Variants in AMER2 observed in about 807,000 individuals in gnomAD.
The protein encoded by AMER2 is family with sequence similarity 123A.
Under a neutral mutation model 4.7 loss-of-function variants are expected in AMER2, and 1 was observed. The ratio of observed to expected loss-of-function variants is 0.21; its 90% CI spans 0.07 to 1.00. The LOEUF (loss-of-function observed/expected upper bound fraction) is 1.00, where lower values mean the gene tolerates loss of function less well. Among genes scored for constraint, AMER2 ranks in the 50% least tolerant of loss-of-function variants. The probability of loss-of-function intolerance (pLI) is 0.60; values close to 1 mark genes in which losing one functional copy is unlikely to be tolerated. For missense variants in AMER2, 988 were observed against 966.9 expected, an observed-to-expected ratio of 1.02 and a Z score of -0.29; for synonymous variants, 485 against 433.3, an observed-to-expected ratio of 1.12 and a Z score of -1.48.
chr13:25,172,134 C>A lies in AMER2; in HGVS notation c.-515G>T. 1 of 155,102 alleles carries A rather than the reference C, an allele frequency of 6.4e-6. No homozygotes were observed. The highest frequency in any genetic ancestry group is 1.4e-5 in the Non-Finnish European group (1 of 70,178). 9.6% of individuals were successfully genotyped at this position (155,102 alleles called of 1,614,324 possible). On this transcript the variant is annotated 5_prime_UTR_variant, in exon 1 of 1. It removes an upstream start codon present in the reference 5' UTR. Transcript: ENST00000515384. ...GGCAGGAAGCATGTCTGCCTACATC[C>A]ATGTCTTGTCCAGAGCTGAGCACAC...
chr13:25,170,210 G>A lies in AMER2; in HGVS notation c.1410C>T (p.Pro470=), dbSNP rs751920528. ...CACACCTGGTGTCTTTGGGGGTCTCGGGCACCACCTTGGTTTCCAGCGCAG... is the reference window on the plus strand; with the variant it reads ...CACACCTGGTGTCTTTGGGGGTCTCAGGCACCACCTTGGTTTCCAGCGCAG... ...VAAALETKVV[P]ETPKDTRCVE... The change falls in exon 1 of 1, where the codon CCC becomes CCT. Residue 470 remains proline (P), a synonymous_variant. Coordinates refer to ENST00000515384, the MANE Select transcript of AMER2 (RefSeq NM_152704.4). This position sits in a 1 kb window ranked among gnomAD's most constrained non-coding sequence, Gnocchi z 7.3. The A allele has an allele frequency of 5.0e-6, 8 of 1,611,976 alleles. No homozygotes were observed. In the East Asian group the frequency reaches 1.1e-4, roughly 22 times the overall value.
rs1433696595 is a variant in AMER2, at chr13:25,165,459, C to T, written c.*4145G>A. The T allele has an allele frequency of 1.3e-5, 2 of 152,250 alleles. No homozygotes were observed. Among genetic ancestry groups the T allele is most frequent in the Non-Finnish European group, 2.9e-5 (2 of 68,054 alleles). 9.4% of individuals were successfully genotyped at this position (152,250 alleles called of 1,614,324 possible). A position where few individuals can be genotyped will look rare whatever the true frequency, so the allele number is the denominator to read the frequency against. On this transcript the variant is annotated 3_prime_UTR_variant, in exon 1 of 1. Coordinates refer to ENST00000515384, the MANE Select transcript of AMER2 (RefSeq NM_152704.4). ...ACCATACTACCCCTTTGGTTCCAAA[C>T]TGCTTCATAAATATTTTTGTGTGTA...
In AMER2 at chr13:25,170,316, T is replaced by A; in HGVS notation, c.1304A>T (p.Tyr435Phe). Residue 435 changes from tyrosine (Y) to phenylalanine (F), a missense_variant, in exon 1 of 1, where the codon TAT (tyrosine) becomes TTT (phenylalanine). By Grantham distance (22) the Tyr-to-Phe change is conservative (BLOSUM62 3). Coordinates refer to ENST00000515384, the MANE Select transcript of AMER2 (RefSeq NM_152704.4). The surrounding 1 kb of genome is among the most constrained non-coding windows in gnomAD (Gnocchi z 7.3). ...GAGCATGTCCCAGAACTCCTGTAGATAGGTGTCGTCCACCTCGTCCGGGCT... is the reference window on the plus strand; with the variant it reads ...GAGCATGTCCCAGAACTCCTGTAGAAAGGTGTCGTCCACCTCGTCCGGGCT... ...MASPDEVDDT[Y>F]LQEFWDMLSQ... The A allele has an allele frequency of 6.2e-7, 1 of 1,613,896 alleles. No individual in the cohort carries two copies. Among genetic ancestry groups the A allele is most frequent in the Non-Finnish European group, 8.5e-7 (1 of 1,179,982 alleles).
rs1956520599 is a variant in AMER2, at chr13:25,169,434, G to T, written c.*170C>A. 1.3e-6 allele frequency: 1 copy of T among 748,820 alleles called. No individual in the cohort carries two copies. Among genetic ancestry groups the T allele is most frequent in the Non-Finnish European group, 2.0e-6 (1 of 499,102 alleles). The allele number at this position is 748,820 out of a possible 1,614,324, so 46.4% of individuals were successfully genotyped here. A position where few individuals can be genotyped will look rare whatever the true frequency, so the allele number is the denominator to read the frequency against. On this transcript the variant is annotated 3_prime_UTR_variant, in exon 1 of 1. Transcript: ENST00000515384. This position sits in a 1 kb window ranked among gnomAD's most constrained non-coding sequence, Gnocchi z 4.2. ...AGCATCCCTCTTTCTGGTGTTATCC[G>T]GTCCCTGCTCAGGGCACAAAGACCT... is the stretch of plus-strand genomic sequence containing the variant.
chr13:25,171,038 C>T lies in AMER2; in HGVS notation c.582G>A (p.Leu194=). The T allele has an allele frequency of 6.4e-7, 1 of 1,573,854 alleles. No individual in the cohort carries two copies. The highest frequency in any genetic ancestry group is 8.6e-7 in the Non-Finnish European group (1 of 1,161,504). The part of the protein sequence containing the change: ...SKAGGKQKRG[L]RGLFSGMRWH... The stretch of plus-strand genomic sequence containing the variant: ...AGCGCATGCCGCTGAACAGCCCCCG[C>T]AGCCCCCGCTTTTGTTTGCCGCCGG... The change falls in exon 1 of 1, where the codon CTG becomes CTA. Residue 194 remains leucine (L), a synonymous_variant. Transcript: ENST00000515384. The surrounding 1 kb of genome is among the most constrained non-coding windows in gnomAD (Gnocchi z 5.9).
Position 25,171,043 on chromosome 13 carries a change from C to A in AMER2, c.577G>T (p.Gly193Trp), listed in dbSNP as rs1416665687. 3.2e-6 allele frequency: 5 copies of A among 1,574,480 alleles called. No homozygotes were observed. Among genetic ancestry groups the A allele is most frequent in the Non-Finnish European group, 4.3e-6 (5 of 1,161,732 alleles). ...ASKAGGKQKRGLRGLFSGMRW... is the reference protein window; with the variant it reads ...ASKAGGKQKRWLRGLFSGMRW... Reference sequence around the variant, plus strand: ...ATGCCGCTGAACAGCCCCCGCAGCCCCCGCTTTTGTTTGCCGCCGGCCTTG... The same window carrying A: ...ATGCCGCTGAACAGCCCCCGCAGCCACCGCTTTTGTTTGCCGCCGGCCTTG... Residue 193 changes from glycine to tryptophan, a missense_variant, in exon 1 of 1, where the codon GGG becomes TGG. Transcript: ENST00000515384. This position sits in a 1 kb window ranked among gnomAD's most constrained non-coding sequence, Gnocchi z 5.9.
At position 25,168,178 on chromosome 13, in the gene AMER2, T is replaced by A. The variant is rs950873541; in HGVS notation, c.*1426A>T. On this transcript the variant is annotated 3_prime_UTR_variant, in exon 1 of 1. Coordinates refer to ENST00000515384, the MANE Select transcript of AMER2 (RefSeq NM_152704.4). ...ATATAATAACCCTTTCTGAAATAAATGTTTCATCTGAAATATTAGAAAACA... is the reference window on the plus strand; with the variant it reads ...ATATAATAACCCTTTCTGAAATAAAAGTTTCATCTGAAATATTAGAAAACA... 1.3e-5 allele frequency: 2 copies of A among 152,222 alleles called. No homozygotes were observed. Among genetic ancestry groups the A allele is most frequent in the African/African-American group, 4.8e-5 (2 of 41,468 alleles). 9.4% of individuals were successfully genotyped at this position (152,222 alleles called of 1,614,324 possible).
At position 25,161,690 on chromosome 13, in the gene AMER2, T is replaced by C. The variant is rs1956408686; in HGVS notation, c.*7914A>G. The C allele has an allele frequency of 6.6e-6, 1 of 152,170 alleles. No homozygotes were observed. Among genetic ancestry groups the C allele is most frequent in the South Asian group, 2.1e-4 (1 of 4,830 alleles). 9.4% of individuals were successfully genotyped at this position (152,170 alleles called of 1,614,324 possible). On this transcript the variant is annotated 3_prime_UTR_variant, in exon 1 of 1. Transcript: ENST00000515384. ...AACAACCAACAGAATTCACTTTAAA[T>C]GCAAAGGAGCAACAAAATTTATTGA...
Position 25,169,376 on chromosome 13 carries a change from A to T in AMER2, c.*228T>A. On this transcript the variant is annotated 3_prime_UTR_variant, in exon 1 of 1. Transcript: ENST00000515384. This position sits in a 1 kb window ranked among gnomAD's most constrained non-coding sequence, Gnocchi z 4.2. ...AAAAAAGTGCTTGAAAATAATTCTC[A>T]GGGACTTATCTTGAGAGGAGAAACC... 1 of 449,038 alleles carries T rather than the reference A, an allele frequency of 2.2e-6. No homozygotes were observed. The highest frequency in any genetic ancestry group is 3.8e-6 in the Non-Finnish European group (1 of 264,256). 27.8% of individuals were successfully genotyped at this position (449,038 alleles called of 1,614,324 possible).
In AMER2 at chr13:25,171,697, C is replaced by G; in HGVS notation, c.-78G>C. The G allele has an allele frequency of 1.4e-6, 2 of 1,414,288 alleles. No homozygotes were observed. Among genetic ancestry groups the G allele is most frequent in the Non-Finnish European group, 1.8e-6 (2 of 1,094,962 alleles). The allele number at this position is 1,414,288 out of a possible 1,614,324, so 87.6% of individuals were successfully genotyped here. ...ACTGTCACCCGTATTCTAAATCAAC[C>G]TGAGCCGCGCTCGCCGCCGCCGCTG... is the stretch of plus-strand genomic sequence containing the variant. On this transcript the variant is annotated 5_prime_UTR_variant, in exon 1 of 1. Transcript: ENST00000515384. The surrounding 1 kb of genome is among the most constrained non-coding windows in gnomAD (Gnocchi z 5.9).
rs1956497992 is a variant in AMER2 at position 25,167,864 on chromosome 13, G to C, written c.*1740C>G. 1 of 151,952 alleles carries C rather than the reference G, an allele frequency of 6.6e-6. No individual in the cohort carries two copies. Among genetic ancestry groups the C allele is most frequent in the African/African-American group, 2.4e-5 (1 of 41,360 alleles). The allele number at this position is 151,952 out of a possible 1,614,324, so 9.4% of individuals were successfully genotyped here. On this transcript the variant is annotated 3_prime_UTR_variant, in exon 1 of 1. Transcript: ENST00000515384. ...GGTTTTCATATATTTAACTTGCCTTGTTCTTTCATTTATGAAACAGAAAAC... is the reference window on the plus strand; with the variant it reads ...GGTTTTCATATATTTAACTTGCCTTCTTCTTTCATTTATGAAACAGAAAAC...
chr13:25,170,528 C>A lies in AMER2; in HGVS notation c.1092G>T (p.Leu364Phe). The A allele has an allele frequency of 6.2e-7, 1 of 1,614,198 alleles. No homozygotes were observed. Among genetic ancestry groups the A allele is most frequent in the Non-Finnish European group, 8.5e-7 (1 of 1,180,034 alleles). ...TCAGTGAAGTCACGTCAGAAAACAT[C>A]AAACAAATACGATCTGCCGACGGGT... ...PSDPSADRIC[L>F]MFSDVTSLKS... The change falls in exon 1 of 1, where the codon TTG becomes TTT. Residue 364 changes from leucine to phenylalanine, a missense_variant. By Grantham distance (22) the Leu-to-Phe change is conservative. Coordinates refer to ENST00000515384, the MANE Select transcript of AMER2 (RefSeq NM_152704.4). This position sits in a 1 kb window ranked among gnomAD's most constrained non-coding sequence, Gnocchi z 7.3.
Position 25,171,936 on chromosome 13 carries a change from G to T in AMER2, c.-317C>A. The T allele has an allele frequency of 2.8e-6, 1 of 360,344 alleles. No individual in the cohort carries two copies. The highest frequency in any genetic ancestry group is 4.8e-6 in the Non-Finnish European group (1 of 206,824). 22.3% of individuals were successfully genotyped at this position (360,344 alleles called of 1,614,324 possible). The stretch of plus-strand genomic sequence containing the variant: ...ACCTTCGGATTCCTTCTCTAGACTC[G>T]CTCTTCACGGGAGCGCAACCATGGA... On this transcript the variant is annotated 5_prime_UTR_variant, in exon 1 of 1. Coordinates refer to ENST00000515384, the MANE Select transcript of AMER2 (RefSeq NM_152704.4). This position sits in a 1 kb window ranked among gnomAD's most constrained non-coding sequence, Gnocchi z 5.9.
chr13:25,167,520 G>A lies in AMER2; in HGVS notation c.*2084C>T, dbSNP rs568952140. 1.3e-5 allele frequency: 2 copies of A among 152,316 alleles called. No individual in the cohort carries two copies. The highest frequency in any genetic ancestry group is 1.5e-5 in the Non-Finnish European group (1 of 68,000). The allele number at this position is 152,316 out of a possible 1,614,324, so 9.4% of individuals were successfully genotyped here. A position where few individuals can be genotyped will look rare whatever the true frequency, so the allele number is the denominator to read the frequency against. ...TGTCTGTTAGTCTGTACACAGTTGA[G>A]TGCATGAGCACGTGAGTGTGAGATG... On this transcript the variant is annotated 3_prime_UTR_variant, in exon 1 of 1. Transcript: ENST00000515384.
rs1956549644 is a variant in AMER2 at position 25,170,702 on chromosome 13, G to A, written c.918C>T (p.Ala306=). Residue 306 remains alanine, a synonymous_variant, in exon 1 of 1, where the codon GCC becomes GCT. Transcript: ENST00000515384. The surrounding 1 kb of genome is among the most constrained non-coding windows in gnomAD (Gnocchi z 7.3). ...TGCGGACCTCCCCGGGCCCCGGCTC[G>A]GCGCGCCGATGCCCCGCGGCGTCCT... ...RGEDAAGHRR[A]EPGPGEVRTA... is the part of the protein sequence containing the mutation. The A allele has an allele frequency of 1.3e-6, 2 of 1,505,068 alleles. No homozygotes were observed. Among genetic ancestry groups the A allele is most frequent in the South Asian group, 1.3e-5 (1 of 79,124 alleles). The allele number at this position is 1,505,068 out of a possible 1,614,324, so 93.2% of individuals were successfully genotyped here.
At position 25,171,249 on chromosome 13, in the gene AMER2, C is replaced by G. The variant is rs1176629715; in HGVS notation, c.371G>C (p.Arg124Pro). 7.0e-7 allele frequency: 1 copy of G among 1,429,332 alleles called. No individual in the cohort carries two copies. Among genetic ancestry groups the G allele is most frequent in the Non-Finnish European group, 9.1e-7 (1 of 1,094,670 alleles). The allele number at this position is 1,429,332 out of a possible 1,614,324, so 88.5% of individuals were successfully genotyped here. A position where few individuals can be genotyped will look rare whatever the true frequency, so the allele number is the denominator to read the frequency against. ...GCCCCCGCCGCTGTCGCCCCCGCCG[C>G]GCGGCTCCTCCTTCCTGCCGCTCTC... is the stretch of plus-strand genomic sequence containing the variant. ...VLESGRKEEP[R>P]GGGDSGGGGG... The change falls in exon 1 of 1, where the codon CGC (arginine) becomes CCC (proline). Residue 124 changes from arginine to proline, a missense_variant. By Grantham distance (103) the Arg-to-Pro change is moderately radical. Coordinates refer to ENST00000515384, the MANE Select transcript of AMER2 (RefSeq NM_152704.4). The surrounding 1 kb of genome is among the most constrained non-coding windows in gnomAD (Gnocchi z 5.9).
rs1330633963 is a variant in AMER2, at chr13:25,167,558, CTT to C, written c.*2044_*2045del. On this transcript the variant is annotated 3_prime_UTR_variant, in exon 1 of 1. Coordinates refer to ENST00000515384, the MANE Select transcript of AMER2 (RefSeq NM_152704.4). ...TGAGTGTGAGATGCTTATATGAATT[CTT>C]GGTAGTGTGTTCAGAATGCTTAAGG... is the stretch of plus-strand genomic sequence containing the variant. 2 of 152,162 alleles carry C rather than the reference CTT, an allele frequency of 1.3e-5. No individual in the cohort carries two copies. Among genetic ancestry groups the C allele is most frequent in the Admixed American group, 1.3e-4 (2 of 15,280 alleles). The allele number at this position is 152,162 out of a possible 1,614,324, so 9.4% of individuals were successfully genotyped here.
In AMER2 at chr13:25,166,516, C is replaced by T. The variant is rs566534210; in HGVS notation, c.*3088G>A. 9.2e-5 allele frequency: 14 copies of T among 152,152 alleles called. No homozygotes were observed. Among genetic ancestry groups the T allele is most frequent in the African/African-American group, 3.4e-4 (14 of 41,442 alleles). The allele number at this position is 152,152 out of a possible 1,614,324, so 9.4% of individuals were successfully genotyped here. On this transcript the variant is annotated 3_prime_UTR_variant, in exon 1 of 1. Transcript: ENST00000515384. ...CTGTCTTTGTGCAGAGCTATTAAAC[C>T]AACCGATAAATTTTCGCCCAACAAT...
In AMER2 at chr13:25,162,925, G is replaced by C. The variant is rs1291783256; in HGVS notation, c.*6679C>G. The C allele has an allele frequency of 6.6e-6, 1 of 152,160 alleles. No individual in the cohort carries two copies. The highest frequency in any genetic ancestry group is 2.4e-5 in the African/African-American group (1 of 41,432). The allele number at this position is 152,160 out of a possible 1,614,324, so 9.4% of individuals were successfully genotyped here. A position where few individuals can be genotyped will look rare whatever the true frequency, so the allele number is the denominator to read the frequency against. On this transcript the variant is annotated 3_prime_UTR_variant, in exon 1 of 1. Transcript: ENST00000515384. ...CTCTGGCAACATAGTAAACATACAG[G>C]ATATGTTAGTAGAATTCAATATAAA...
Sources: gnomAD v4.1 joint callset for allele counts on GRCh38, gnomAD v4.1.1 for gene constraint, Gnocchi (gnomAD v3.1) non-coding constraint, MANE v1.5 for transcripts, NCBI Gene and HGNC (gene_info 2026-07-23, HGNC 2026-07-21) for gene names.